Variants in SLC22A25 observed in about 807,000 individuals in gnomAD.
SLC22A25 encodes the protein solute carrier family 22 member 25.
Under a neutral mutation model 45.9 loss-of-function variants are expected in SLC22A25, and 44 were observed. That is an observed-to-expected ratio of 0.96 (90% CI 0.75 to 1.23). The LOEUF (loss-of-function observed/expected upper bound fraction) is 1.23, where lower values mean the gene tolerates loss of function less well. Among genes scored for constraint, SLC22A25 ranks in the 50% most tolerant of loss-of-function variants. SLC22A25 has a pLI of 0.00. For missense variants in SLC22A25, 800 were observed against 666.4 expected (o/e 1.20, Z -2.21); for synonymous variants, 283 against 238.6 (o/e 1.19, Z -1.72).
chr11:63,242,870 G>A (rs1011957996), intron 1 of SLC22A25, among the ~76,000 whole-genome samples: 2 of 152,128 alleles, frequency 1.3e-5, no homozygotes, highest in African/African-American at 4.8e-5. Flanking sequence ...GAGCGAGGCA[G>A]GCAGGGAAGC....
intron 7 of SLC22A25, among the ~76,000 whole-genome samples, chr11:63,190,390 C>T (rs2088759791): frequency 6.6e-6 from 1 of 152,160 alleles, no homozygotes; most frequent in Non-Finnish European, 1.5e-5. Flanking sequence ...TGGTTTTCAG[C>T]TCCATCAAGT....
At chr11:63,240,570 C>T (rs567311814) in intron 1 of SLC22A25, among the ~76,000 whole-genome samples, 1 of 152,260 alleles carries the variant, frequency 6.6e-6, no homozygotes, top group African/African-American at 2.4e-5. Context: ...TTTGTAATAA[C>T]ACTTAAAATA....
intron 9 of SLC22A25, among the ~76,000 whole-genome samples, chr11:63,169,584 G>A (rs1250288726): frequency 6.6e-6 from 1 of 152,166 alleles, no homozygotes; most frequent in Non-Finnish European, 1.5e-5. Context: ...ATTACATAAT[G>A]ATAAAGGAAT....
At chr11:63,203,445 G>C (rs544292777) in intron 7 of SLC22A25, among the ~76,000 whole-genome samples, 2 of 152,036 alleles carry the variant, frequency 1.3e-5, no homozygotes, top group South Asian at 4.2e-4. Context: ...AGAATAACCA[G>C]TTTAGAGAAG....
intron 3 of SLC22A25, among the ~76,000 whole-genome samples, chr11:63,235,088 G>A (rs534154325): frequency 2.1e-4 from 32 of 151,462 alleles, no homozygotes; most frequent in South Asian, 1.7e-3. Flanking sequence ...TCATTTCTTC[G>A]TTTCAACTTT....
chr11:63,183,637 T>G (rs929467250), intron 8 of SLC22A25, 57 bp downstream of exon 8: 2 of 1,607,222 alleles, frequency 1.2e-6, no homozygotes, highest in Non-Finnish European at 1.7e-6. Flanking sequence ...CACCAACAAG[T>G]ATAGATGACA....
At chr11:63,195,647 A>G (rs1342141082) in intron 7 of SLC22A25, among the ~76,000 whole-genome samples, 9 of 152,198 alleles carry the variant, frequency 5.9e-5, no homozygotes, top group Non-Finnish European at 1.0e-4. Flanking sequence ...CCACAAGAGA[A>G]AGCAGGAAAG....
chr11:63,216,580 G>A (rs184668636), intron 7 of SLC22A25, among the ~76,000 whole-genome samples: 158 of 152,286 alleles, frequency 1.0e-3, no homozygotes, highest in African/African-American at 3.6e-3. Context: ...GCAGGGACAT[G>A]GATGGAGCTG....
chr11:63,211,272 T>A (rs1482056491), intron 7 of SLC22A25, among the ~76,000 whole-genome samples: 1 of 152,118 alleles, frequency 6.6e-6, no homozygotes, highest in Non-Finnish European at 1.5e-5. Flanking sequence ...CATGGGATTA[T>A]AGTGAAATGC....
chr11:63,220,113 T>A, intron 5 of SLC22A25: 2 of 899,704 alleles, frequency 2.2e-6, no homozygotes, highest in Non-Finnish European at 3.1e-6. Context: ...ATTACTTACC[T>A]TTTGTTGTAA....
chr11:63,182,909 C>T (rs1408821189), intron 8 of SLC22A25, among the ~76,000 whole-genome samples: 1 of 152,010 alleles, frequency 6.6e-6, no homozygotes, highest in East Asian at 1.9e-4. Flanking sequence ...TCTTTCTATA[C>T]TTTTATAATT....
intron 9 of SLC22A25, chr11:63,167,974 G>A: frequency 2.5e-6 from 1 of 394,894 alleles, no homozygotes; most frequent in East Asian, 1.1e-4. Flanking sequence ...GAAGGAGCAG[G>A]CAGGAATCTT....
intron 5 of SLC22A25, among the ~76,000 whole-genome samples, chr11:63,227,844 C>T (rs1201932174): frequency 1.3e-5 from 2 of 152,232 alleles, no homozygotes; most frequent in Non-Finnish European, 2.9e-5. Context: ...GGGTGATTCA[C>T]CTCTGTGGCT....
chr11:63,181,511 G>A (rs886145447), intron 8 of SLC22A25, among the ~76,000 whole-genome samples: 1 of 150,326 alleles, frequency 6.7e-6, no homozygotes, highest in Admixed American at 6.7e-5. Flanking sequence ...TTGTCCTTGC[G>A]ATAGTTTGAT....
At chr11:63,241,314 T>A (rs781122344) in intron 1 of SLC22A25, among the ~76,000 whole-genome samples, 1 of 152,196 alleles carries the variant, frequency 6.6e-6, no homozygotes, top group East Asian at 1.9e-4. Context: ...TTTGCTTGCA[T>A]TGGAGAGGCT....
intron 1 of SLC22A25, among the ~76,000 whole-genome samples, chr11:63,239,382 T>C (rs2090212629): frequency 1.3e-5 from 2 of 152,212 alleles, no homozygotes; most frequent in African/African-American, 4.8e-5. Flanking sequence ...CTGTTTAAAG[T>C]TCTACTTTGT....
chr11:63,190,484 A>T (rs2088764360), intron 7 of SLC22A25, among the ~76,000 whole-genome samples: 1 of 151,834 alleles, frequency 6.6e-6, no homozygotes, highest in African/African-American at 2.4e-5. Context: ...CTTTGCCATG[A>T]GTTCGAACTT....
At chr11:63,241,894 T>G (rs529195730) in intron 1 of SLC22A25, among the ~76,000 whole-genome samples, 3 of 152,298 alleles carry the variant, frequency 2.0e-5, no homozygotes, top group African/African-American at 7.2e-5. Context: ...TAAACTGAGA[T>G]TGTAGCCCAG....
At chr11:63,219,875 T>G (rs538926231) in intron 5 of SLC22A25, 1 of 1,259,916 alleles carries the variant, frequency 7.9e-7, no homozygotes, top group South Asian at 1.2e-5. Context: ...CCTCTGACTC[T>G]CAACTCTTTT....
Sources: gnomAD v4.1 joint callset for allele counts (sites outside exome capture counted in the v4.1 genomes callset) on GRCh38, gnomAD v4.1.1 for gene constraint, MANE v1.5 for transcripts, NCBI Gene and HGNC (gene_info 2026-07-23, HGNC 2026-07-21) for gene names.